Variants in GRAMD4 observed in about 807,000 individuals in gnomAD.
The protein encoded by GRAMD4 is GRAM domain containing 4.
Under a neutral mutation model 83.9 loss-of-function variants are expected in GRAMD4, and 25 were observed. The ratio of observed to expected loss-of-function variants is 0.30; its 90% confidence interval spans 0.22 to 0.42. The LOEUF (loss-of-function observed/expected upper bound fraction) is 0.42. Among genes scored for constraint, GRAMD4 ranks in the 10% least tolerant of loss-of-function variants. GRAMD4 has a pLI of 1.00. For synonymous variants in GRAMD4, 336 were observed against 320.9 expected, an observed-to-expected ratio of 1.05 and a Z score of -0.50; for missense variants, 593 against 788.7, an observed-to-expected ratio of 0.75 and a Z score of 2.97.
intron 1 of GRAMD4, among the ~76,000 whole-genome samples, chr22:46,625,666 G>A (rs1161177366): frequency 6.6e-6 from 1 of 152,276 alleles, no homozygotes; most frequent in South Asian, 2.1e-4. Context: ...TCTTGGACAA[G>A]TTGGGGACGG....
chr22:46,645,979 G>A lies in GRAMD4; in HGVS notation c.283+8019G>A, dbSNP rs144172962. Among the ~76,000 whole-genome samples, 190 of 152,316 alleles carry A rather than the reference G, an allele frequency of 1.2e-3. 1 individual carries two copies. The highest frequency in any genetic ancestry group is 4.3e-3 in the African/African-American group (180 of 41,578). On this transcript the variant is annotated intron_variant, in intron 3 of 18. Transcript: ENST00000406902. Reference sequence around the variant, plus strand: ...CTCTACCCAAGAGCACTGTGATGTAGAATTTGGATTTTGGGGGAAAGTGCT... The same window carrying A: ...CTCTACCCAAGAGCACTGTGATGTAAAATTTGGATTTTGGGGGAAAGTGCT...
At chr22:46,583,247 T>A (rs1203409574) in intron 1 of GRAMD4, among the ~76,000 whole-genome samples, 1 of 152,170 alleles carries the variant, frequency 6.6e-6, no homozygotes, top group East Asian at 1.9e-4. Context: ...AAAAACTGTT[T>A]TAGATTTATA....
In GRAMD4 at chr22:46,668,185, G is replaced by T; in HGVS notation, c.930+18G>T. ...AAGCCCAGGTACTGCCACGGGCGCC[G>T]GCCAGGGGTGTGTCTGCGCCAGCCA... On this transcript the variant is annotated intron_variant, in intron 11 of 18. Transcript: ENST00000406902. 1 of 1,588,732 alleles carries T rather than the reference G, an allele frequency of 6.3e-7. No homozygotes were observed.
intron 2 of GRAMD4, among the ~76,000 whole-genome samples, chr22:46,635,148 C>T (rs2081844055): frequency 7.1e-6 from 1 of 139,962 alleles, no homozygotes. Flanking sequence ...GTCCTCCCTG[C>T]CTCCACCCCT....
intron 2 of GRAMD4, among the ~76,000 whole-genome samples, chr22:46,637,182 G>C (rs191271712): frequency 1.3e-5 from 2 of 152,196 alleles, no homozygotes; most frequent in Admixed American, 6.5e-5. Flanking sequence ...CAGTTCCAGG[G>C]TTTTCTTCCC....
chr22:46,651,371 G>A (rs1210631002), intron 3 of GRAMD4, among the ~76,000 whole-genome samples: 1 of 152,258 alleles, frequency 6.6e-6, no homozygotes, highest in African/African-American at 2.4e-5. Context: ...TGGAAACAGT[G>A]CCATGGGATC....
chr22:46,587,866 G>A (rs1027958470), intron 1 of GRAMD4: 10 of 979,536 alleles, frequency 1.0e-5, no homozygotes, highest in African/African-American at 1.7e-5. Flanking sequence ...CCAGAAGCCC[G>A]GGCGTCGGGG....
At chr22:46,656,045 A>T (rs546056670) in intron 3 of GRAMD4, among the ~76,000 whole-genome samples, 1 of 152,180 alleles carries the variant, frequency 6.6e-6, no homozygotes, top group East Asian at 1.9e-4. Context: ...GGACAGGCCC[A>T]GTGCCCCCCA....
At chr22:46,658,144 G>C in intron 3 of GRAMD4, 43 bp from the exon 4 acceptor site, 2 of 1,612,162 alleles carry the variant, frequency 1.2e-6, no homozygotes, top group Non-Finnish European at 1.7e-6. Context: ...TCGGGGTCGC[G>C]TGGACATGAG....
chr22:46,644,421 C>T (rs1455599911), intron 3 of GRAMD4, among the ~76,000 whole-genome samples: 1 of 151,806 alleles, frequency 6.6e-6, no homozygotes, highest in East Asian at 1.9e-4. Flanking sequence ...CCATGTTACA[C>T]CTGCCCCTGT....
At chr22:46,600,632 G>A (rs7284865) in intron 1 of GRAMD4, among the ~76,000 whole-genome samples, 30,212 of 152,076 alleles carry the variant, frequency 0.2, 3,628 homozygotes, top group East Asian at 0.34. Context: ...CGGCAGGTGC[G>A]TCCTGTACAC....
chr22:46,662,580 T>C (rs937851082), intron 5 of GRAMD4, among the ~76,000 whole-genome samples: 81 of 152,214 alleles, frequency 5.3e-4, no homozygotes, highest in African/African-American at 1.8e-3. Flanking sequence ...AGCCTCCCGC[T>C]GCGCCATCCA....
upstream of GRAMD4, among the ~76,000 whole-genome samples, chr22:46,615,581 G>A: frequency 8.1e-6 from 1 of 123,934 alleles, no homozygotes; most frequent in African/African-American, 3.2e-5. Flanking sequence ...GTTCCCCTGT[G>A]CGTGTAGGTT....
At chr22:46,641,412 GA>G (rs1279589629) in intron 3 of GRAMD4, among the ~76,000 whole-genome samples, 6 of 151,996 alleles carry the variant, frequency 3.9e-5, no homozygotes, top group Non-Finnish European at 8.8e-5. Context: ...AGGAAGGAAG[GA>G]AGGAAGGAAA....
At chr22:46,591,076 A>AAAAAAC (rs1569247764) in intron 1 of GRAMD4, among the ~76,000 whole-genome samples, 4 of 113,670 alleles carry the variant, frequency 3.5e-5, no homozygotes, top group African/African-American at 1.5e-4. Flanking sequence ...AAAAGAAAAA[A>AAAAAAC]AAACAAACAA....
At chr22:46,664,184 C>G in intron 8 of GRAMD4, 67 bp downstream of exon 8, 1 of 1,128,264 alleles carries the variant, frequency 8.9e-7, no homozygotes, top group Non-Finnish European at 1.4e-6. Context: ...ACCACATGAT[C>G]AGGCACCTTC....
intron 5 of GRAMD4, 146 bp downstream of exon 5, chr22:46,661,588 A>G: frequency 3.1e-6 from 2 of 641,494 alleles, no homozygotes; most frequent in South Asian, 1.8e-5. Flanking sequence ...TTCTGTGCCC[A>G]GGCACCTGCT....
In GRAMD4 at chr22:46,678,032, G is replaced by T; in HGVS notation, c.*781G>T. On this transcript the variant is annotated 3_prime_UTR_variant, in exon 19 of 19. Transcript: ENST00000406902. ...CCAGGAGGTCTGTAGCTGGGGACCAGTAAGGGCACAGGATGGTGCAGGTAA... is the reference window on the plus strand; with the variant it reads ...CCAGGAGGTCTGTAGCTGGGGACCATTAAGGGCACAGGATGGTGCAGGTAA... 1.0e-6 allele frequency: 1 copy of T among 985,752 alleles called. No homozygotes were observed. Among genetic ancestry groups the T allele is most frequent in the Non-Finnish European group, 1.2e-6 (1 of 830,166 alleles). The allele number at this position is 985,752 out of a possible 1,614,324, so 61.1% of individuals were successfully genotyped here. A position where few individuals can be genotyped will look rare whatever the true frequency, so the allele number is the denominator to read the frequency against.
intron 1 of GRAMD4, among the ~76,000 whole-genome samples, chr22:46,586,580 T>C (rs904168623): frequency 6.6e-6 from 1 of 152,120 alleles, no homozygotes; most frequent in Non-Finnish European, 1.5e-5. Flanking sequence ...CCTAGCCCCA[T>C]GACACAGAGA....
Sources: allele counts gnomAD v4.1 joint callset (sites outside exome capture counted in the v4.1 genomes callset), GRCh38; gene constraint gnomAD v4.1.1; transcripts MANE v1.5; gene names NCBI Gene and HGNC (gene_info 2026-07-23, HGNC 2026-07-21).